Variants in DLGAP1 observed in about 807,000 individuals in gnomAD.
DLGAP1 encodes DLG associated protein 1.
DLGAP1 carries 11 observed loss-of-function variants against 90.8 expected under a neutral mutation model. The observed-to-expected ratio is 0.12, with a 90% CI of 0.08 to 0.20. The LOEUF is 0.20. Among genes scored for constraint, DLGAP1 ranks in the 10% least tolerant of loss-of-function variants. The pLI is 1.00. For synonymous variants in DLGAP1, 558 were observed against 540.7 expected (o/e 1.03, Z -0.44); for missense variants, 1,050 against 1,333.8 (o/e 0.79, Z 3.31).
chr18:4,276,629 C>T (rs60423170), intron 1 of DLGAP1, among the ~76,000 whole-genome samples: 30,791 of 150,774 alleles, frequency 0.2, 4,860 homozygotes, highest in African/African-American at 0.44. Flanking sequence ...GAGCAAGACA[C>T]CAGCTTGAAA....
In DLGAP1 at chr18:3,517,185, G is replaced by A. The variant is rs1280071255; in HGVS notation, c.2480-8524C>T. Among the ~76,000 whole-genome samples the A allele has an allele frequency of 6.6e-6, 1 of 152,176 alleles. No individual in the cohort carries two copies. The highest frequency in any genetic ancestry group is 2.4e-5 in the African/African-American group (1 of 41,446). On this transcript the variant is annotated intron_variant, in intron 10 of 12. Transcript: ENST00000315677. The surrounding 1 kb of genome is among the most constrained non-coding windows in gnomAD (Gnocchi z 4.1). ...TAAGGGCCGTAGGCTTTTCAGAATG[G>A]TAAATGAGCTTTGGCTTCGACTTCA...
chr18:3,589,963 C>T (rs146935997), intron 7 of DLGAP1, among the ~76,000 whole-genome samples: 362 of 152,254 alleles, frequency 2.4e-3, no homozygotes, highest in African/African-American at 7.4e-3. Flanking sequence ...CAGGCTGGAG[C>T]GCAATGGCAC....
Position 4,263,816 on chromosome 18 carries a change from G to A in DLGAP1, c.-266-112529C>T, listed in dbSNP as rs996573922. 3.9e-5 allele frequency among the ~76,000 whole-genome samples: 6 copies of A among 152,120 alleles called. No individual in the cohort carries two copies. The East Asian group carries it at 1.2e-3, about 29-fold the overall frequency. On this transcript the variant is annotated intron_variant, in intron 1 of 12. Coordinates refer to ENST00000315677, the MANE Select transcript of DLGAP1 (RefSeq NM_004746.4). ...TTTAATGTGTTTTTTCTTTTAGATA[G>A]ATTTCAGTTACTTCAGAACATTAAA...
chr18:4,016,287 C>T (rs1271566323), intron 2 of DLGAP1, among the ~76,000 whole-genome samples: 1 of 152,228 alleles, frequency 6.6e-6, no homozygotes, highest in Non-Finnish European at 1.5e-5. Flanking sequence ...AATAACTTCT[C>T]CAAAACAAGT....
intron 2 of DLGAP1, among the ~76,000 whole-genome samples, chr18:4,033,765 A>G (rs1463214016): frequency 6.8e-6 from 1 of 146,554 alleles, no homozygotes; most frequent in Admixed American, 6.8e-5. Context: ...TTTGAGACAG[A>G]GTCTCGCTCT....
intron 1 of DLGAP1, among the ~76,000 whole-genome samples, chr18:4,201,437 T>C (rs902969254): frequency 1.2e-4 from 18 of 152,144 alleles, no homozygotes; most frequent in Non-Finnish European, 4.4e-5. Flanking sequence ...GTTGTAGGTA[T>C]TTGGCTTTAT....
In DLGAP1 at chr18:4,270,350, T is replaced by G. The variant is rs559792755; in HGVS notation, c.-266-119063A>C. Among the ~76,000 whole-genome samples the G allele has an allele frequency of 2.6e-5, 4 of 152,292 alleles. No individual in the cohort carries two copies. The East Asian group carries it at 7.7e-4, about 29-fold the overall frequency. On this transcript the variant is annotated intron_variant, in intron 1 of 12. Transcript: ENST00000315677. ...ACAACCTACTCTTAGGCAGCAACAT[T>G]TCTCCTTCCAGCTCACTGTGTCAAT...
rs1443497068 is a variant in DLGAP1 at position 3,879,777 on chromosome 18, G to A, written c.292C>T (p.Arg98Cys). 2.5e-6 allele frequency: 4 copies of A among 1,607,270 alleles called. No homozygotes were observed. The highest frequency in any genetic ancestry group is 1.1e-5 in the South Asian group (1 of 91,076). The change falls in exon 4 of 13, where the codon CGC becomes TGC. Residue 98 changes from arginine (R) to cysteine (C), a missense_variant. By Grantham distance (180) the Arg-to-Cys change is radical. This residue lies in a region of DLGAP1 where 485 missense variants were observed against 454.1 expected (regional missense o/e 1.07). Transcript: ENST00000315677. This position sits in a 1 kb window ranked among gnomAD's most constrained non-coding sequence, Gnocchi z 6.6. ...TGGTCCAGCAGGTTGGCGGGGATGCGGTTCGCCTTGGTGGCCAGGGTGCGG... is the reference window on the plus strand; with the variant it reads ...TGGTCCAGCAGGTTGGCGGGGATGCAGTTCGCCTTGGTGGCCAGGGTGCGG... ...VPRTLATKAN[R>C]IPANLLDQFE...
chr18:3,763,980 C>T (rs1374392258), intron 5 of DLGAP1, among the ~76,000 whole-genome samples: 2 of 152,106 alleles, frequency 1.3e-5, no homozygotes, highest in African/African-American at 4.8e-5. Context: ...CATTCTTATG[C>T]AATACATGCA....
chr18:4,364,422 A>G (rs1224718671), intron 1 of DLGAP1, among the ~76,000 whole-genome samples: 1 of 152,062 alleles, frequency 6.6e-6, no homozygotes, highest in Non-Finnish European at 1.5e-5. Context: ...TAAAGTAATA[A>G]AAAAAAGATT....
At chr18:3,684,121 T>C (rs1452604903) in intron 7 of DLGAP1, among the ~76,000 whole-genome samples, 1 of 152,102 alleles carries the variant, frequency 6.6e-6, no homozygotes, top group African/African-American at 2.4e-5. Context: ...CTAGGAGAGA[T>C]GACAGCTCGT....
rs370431630 is a variant in DLGAP1, at chr18:4,105,183, G to A, written c.-159+45997C>T. Among the ~76,000 whole-genome samples the A allele has an allele frequency of 4.8e-4, 73 of 152,310 alleles. 1 individual carries two copies. In the South Asian group the frequency reaches 0.015, roughly 31 times the overall value. The stretch of plus-strand genomic sequence containing the variant: ...GGCTTTAGTGAGATGTGTACCGAGT[G>A]TTCTCAAAGCAAGACGAGCAGTCAG... On this transcript the variant is annotated intron_variant, in intron 2 of 12. Transcript: ENST00000315677.
chr18:3,852,349 A>T (rs1165348049), intron 4 of DLGAP1, among the ~76,000 whole-genome samples: 1 of 152,214 alleles, frequency 6.6e-6, no homozygotes, highest in Non-Finnish European at 1.5e-5. Context: ...CCACAGAAAT[A>T]TCTAACCTCA....
intron 2 of DLGAP1, among the ~76,000 whole-genome samples, chr18:4,080,890 CTTTT>C (rs71160939): frequency 0.035 from 5,061 of 145,604 alleles, 272 homozygotes; most frequent in African/African-American, 0.12. Flanking sequence ...TTTGAATGCC[CTTTT>C]TTTTTTTTTT....
At chr18:4,082,751 T>G (rs1348650293) in intron 2 of DLGAP1, among the ~76,000 whole-genome samples, 1 of 152,090 alleles carries the variant, frequency 6.6e-6, no homozygotes, top group Admixed American at 6.6e-5. Context: ...ACAGGTTAAG[T>G]AAGTTGTGAA....
intron 7 of DLGAP1, among the ~76,000 whole-genome samples, chr18:3,602,593 CAAAAAA>C (rs71159102): frequency 9.0e-5 from 6 of 66,700 alleles, no homozygotes; most frequent in African/African-American, 1.2e-4. Flanking sequence ...AGACTCCGTC[CAAAAAA>C]AAAAAAAAAA....
At chr18:4,381,630 A>C (rs1449649449) in intron 1 of DLGAP1, among the ~76,000 whole-genome samples, 13 of 151,746 alleles carry the variant, frequency 8.6e-5, no homozygotes, top group Non-Finnish European at 1.9e-4. Context: ...CCCGTTTCCT[A>C]CTCCTTTGAC....
At chr18:3,652,039 C>T (rs551301856) in intron 7 of DLGAP1, among the ~76,000 whole-genome samples, 1 of 151,684 alleles carries the variant, frequency 6.6e-6, no homozygotes, top group South Asian at 2.1e-4. Flanking sequence ...TGGCGCGCGC[C>T]TGTAGTTCCA....
chr18:4,092,983 A>G (rs896480950), intron 2 of DLGAP1, among the ~76,000 whole-genome samples: 1 of 152,210 alleles, frequency 6.6e-6, no homozygotes, highest in Non-Finnish European at 1.5e-5. Context: ...CACAACCCAC[A>G]TCGTCCTGGA....
Sources: gnomAD v4.1 joint callset for allele counts (sites outside exome capture counted in the v4.1 genomes callset) on GRCh38, gnomAD v4.1.1 for gene constraint, gnomAD v4.1.1 regional missense constraint, Gnocchi (gnomAD v3.1) non-coding constraint, MANE v1.5 for transcripts, NCBI Gene and HGNC (gene_info 2026-07-23, HGNC 2026-07-21) for gene names.